Variants in SEH1L observed in about 807,000 individuals in gnomAD.
SEH1L encodes nucleoporin SEH1.
A neutral mutation model predicts 49.5 loss-of-function variants in SEH1L; 18 were observed. The observed-to-expected ratio is 0.36, with a 90% CI of 0.25 to 0.54. The LOEUF is 0.54. Ranked by LOEUF, SEH1L falls within the 20% of genes least tolerant of loss-of-function variation. The probability of loss-of-function intolerance (pLI) is 0.87; values close to 1 mark genes in which losing one functional copy is unlikely to be tolerated. For missense variants in SEH1L, 404 were observed against 528.8 expected (o/e 0.76, Z 2.31); for synonymous variants, 169 against 178.1 (o/e 0.95, Z 0.41).
rs2030228501 is a variant in SEH1L, at chr18:12,948,118, A to C, written c.-4A>C. 3.7e-6 allele frequency: 6 copies of C among 1,608,558 alleles called. No homozygotes were observed. Among genetic ancestry groups the C allele is most frequent in the Non-Finnish European group, 5.1e-6 (6 of 1,177,402 alleles). On this transcript the variant is annotated 5_prime_UTR_variant, in exon 1 of 9. Coordinates refer to ENST00000399892, the MANE Select transcript of SEH1L (RefSeq NM_001013437.2). ...TCTTCGGAGGCGCGGGCCCGACGGAAACCATGTTTGTGGCTCGCAGCATCG... is the reference window on the plus strand; with the variant it reads ...TCTTCGGAGGCGCGGGCCCGACGGACACCATGTTTGTGGCTCGCAGCATCG...
chr18:12,954,053 A>G (rs2030707886), intron 2 of SEH1L, among the ~76,000 whole-genome samples: 1 of 152,252 alleles, frequency 6.6e-6, no homozygotes, highest in Admixed American at 6.5e-5. Context: ...TAAAGATGAT[A>G]CAGAAAAGAC....
intron 4 of SEH1L, chr18:12,964,574 T>G (rs1484010166): frequency 6.6e-6 from 1 of 151,602 alleles, no homozygotes; most frequent in Non-Finnish European, 1.5e-5. Flanking sequence ...TAATTTCAAA[T>G]AATATATATA....
chr18:12,980,018 C>G (rs2032119935), intron 6 of SEH1L, among the ~76,000 whole-genome samples: 1 of 137,940 alleles, frequency 7.2e-6, no homozygotes, highest in Non-Finnish European at 1.6e-5. Flanking sequence ...CCCCACCTCC[C>G]TCCCGGACGG....
intron 5 of SEH1L, chr18:12,978,458 C>T: frequency 4.3e-6 from 1 of 230,278 alleles, no homozygotes; most frequent in Non-Finnish European, 8.4e-6. Flanking sequence ...CGTTTCTTCT[C>T]TTCTTTTTAA....
intron 5 of SEH1L, chr18:12,976,873 G>A (rs1192526592): frequency 2.0e-5 from 3 of 152,206 alleles, no homozygotes; most frequent in African/African-American, 7.3e-5. Flanking sequence ...CTACTCCGGA[G>A]GCTGAGGCAG....
At chr18:12,964,022 T>TA (rs1381733122) in intron 4 of SEH1L, among the ~76,000 whole-genome samples, 1 of 152,208 alleles carries the variant, frequency 6.6e-6, no homozygotes, top group Non-Finnish European at 1.5e-5. Flanking sequence ...CAGAAACCCT[T>TA]ACATTTTCCT....
chr18:12,978,705 T>G, intron 5 of SEH1L, 47 bp from the exon 6 acceptor site: 1 of 1,536,592 alleles, frequency 6.5e-7, no homozygotes, highest in Non-Finnish European at 9.0e-7. Context: ...TGTGGATTTT[T>G]GCACATTTTA....
At chr18:12,964,586 C>T (rs752770888) in intron 4 of SEH1L, 3 of 148,782 alleles carry the variant, frequency 2.0e-5, no homozygotes, top group Non-Finnish European at 4.4e-5. Context: ...ATATATATAT[C>T]TCTACACATA....
chr18:12,981,027 T>G (rs1474209198), intron 6 of SEH1L, among the ~76,000 whole-genome samples: 13 of 107,826 alleles, frequency 1.2e-4, no homozygotes, highest in East Asian at 2.8e-4. Flanking sequence ...TCTCAGACGG[T>G]GTGGCTGCCG....
intron 4 of SEH1L, 75 bp from the exon 5 acceptor site, chr18:12,971,078 C>T: frequency 9.7e-7 from 1 of 1,032,500 alleles, no homozygotes; most frequent in South Asian, 1.3e-5. Context: ...GTCTGCTTGC[C>T]TCCAGTGTGT....
At chr18:12,966,611 A>C (rs1328653420) in intron 4 of SEH1L, among the ~76,000 whole-genome samples, 1 of 152,122 alleles carries the variant, frequency 6.6e-6, no homozygotes, top group African/African-American at 2.4e-5. Context: ...CTTGTTGCCC[A>C]GAATGGTGTT....
At chr18:12,963,486 G>C (rs2031290478) in intron 4 of SEH1L, 115 bp downstream of exon 4, 1 of 750,952 alleles carries the variant, frequency 1.3e-6, no homozygotes. Flanking sequence ...GATATATAGA[G>C]TATATGTTCT....
At chr18:12,955,390 T>A in intron 2 of SEH1L, 73 bp from the exon 3 acceptor site, 3 of 1,410,330 alleles carry the variant, frequency 2.1e-6, no homozygotes, top group Non-Finnish European at 2.9e-6. Context: ...GAAATATGAA[T>A]AAGTATTTAG....
intron 6 of SEH1L, among the ~76,000 whole-genome samples, chr18:12,979,715 C>T (rs1183746807): frequency 5.5e-5 from 8 of 144,524 alleles, no homozygotes; most frequent in South Asian, 2.2e-4. Context: ...CCCCACCTCC[C>T]TCCCGGACGG....
chr18:12,971,460 C>CCGT (rs1255181103), intron 5 of SEH1L: 1 of 345,934 alleles, frequency 2.9e-6, no homozygotes, highest in African/African-American at 2.1e-5. Context: ...TGGTGAAACC[C>CCGT]CGTCTCTACT....
intron 8 of SEH1L, chr18:12,986,224 C>G: frequency 1.0e-6 from 1 of 985,206 alleles, no homozygotes; most frequent in African/African-American, 1.7e-5. Flanking sequence ...TTTAAGTTTG[C>G]TAATATGCGT....
At chr18:12,955,675 G>A in intron 3 of SEH1L, 66 bp downstream of exon 3, 1 of 1,523,804 alleles carries the variant, frequency 6.6e-7, no homozygotes, top group Non-Finnish European at 9.0e-7. Context: ...TTCATCCGAA[G>A]GCTACCTCAG....
At chr18:12,985,197 T>C (rs1381628805) in intron 8 of SEH1L, 10 of 1,588,546 alleles carry the variant, frequency 6.3e-6, no homozygotes, top group Non-Finnish European at 8.6e-6. Flanking sequence ...GTTAGATCTG[T>C]GATGCATTTT....
At chr18:12,962,121 T>C (rs1190360433) in intron 3 of SEH1L, among the ~76,000 whole-genome samples, 3 of 152,118 alleles carry the variant, frequency 2.0e-5, no homozygotes, top group Non-Finnish European at 4.4e-5. Context: ...GGTAGCTGGG[T>C]GCAGTGGCTC....
Sources: allele counts gnomAD v4.1 joint callset (sites outside exome capture counted in the v4.1 genomes callset), GRCh38; gene constraint gnomAD v4.1.1; transcripts MANE v1.5; gene names NCBI Gene and HGNC (gene_info 2026-07-23, HGNC 2026-07-21).